TEX29: variants seen among roughly 807,000 people sequenced by gnomAD.
The protein encoded by TEX29 is testis-expressed protein 29.
A neutral mutation model predicts 18.2 loss-of-function variants in TEX29; 26 were observed. That is an observed-to-expected ratio of 1.43 (90% CI 1.04 to 1.98). TEX29 has a LOEUF of 1.98. Ranked by LOEUF, TEX29 falls within the 30% of genes most tolerant of loss-of-function variation. TEX29 has a pLI of 0.00. For synonymous variants in TEX29, 83 were observed against 78.5 expected (o/e 1.06, Z -0.31); for missense variants, 177 against 194.2 (o/e 0.91, Z 0.53).
chr13:111,333,336 T>C (rs2093685237), intron 3 of TEX29, among the ~76,000 whole-genome samples: 1 of 152,230 alleles, frequency 6.6e-6, no homozygotes, highest in Non-Finnish European at 1.5e-5. Flanking sequence ...CTCTGGACTT[T>C]CATTATGTGT....
intron 3 of TEX29, among the ~76,000 whole-genome samples, chr13:111,337,738 G>T (rs2093691478): frequency 6.6e-6 from 1 of 152,092 alleles, no homozygotes; most frequent in African/African-American, 2.4e-5. Flanking sequence ...CTCACTTAAA[G>T]AAATAAGGCA....
Position 111,320,709 on chromosome 13 carries a change from T to G in TEX29, c.-88T>G. ...CCTAAAAGGTGTTTTCCACGTGGAG[T>G]GGGACTGAGAGGCACAGGTGGCTGA... On this transcript the variant is annotated 5_prime_UTR_variant, in exon 1 of 6. Transcript: ENST00000283547. 2.9e-6 allele frequency: 2 copies of G among 699,954 alleles called. No homozygotes were observed. The highest frequency in any genetic ancestry group is 2.6e-6 in the Non-Finnish European group (1 of 387,492). 43.4% of individuals were successfully genotyped at this position (699,954 alleles called of 1,614,324 possible). A position where few individuals can be genotyped will look rare whatever the true frequency, so the allele number is the denominator to read the frequency against.
chr13:111,316,429 AAGG>A (rs1483289985), upstream of TEX29, among the ~76,000 whole-genome samples: 1 of 152,212 alleles, frequency 6.6e-6, no homozygotes, highest in African/African-American at 2.4e-5. Flanking sequence ...TGCTTCCTGG[AAGG>A]AGTTCTGTGC....
intron 5 of TEX29, among the ~76,000 whole-genome samples, chr13:111,343,615 T>C (rs1009979500): frequency 3.9e-5 from 6 of 152,150 alleles, no homozygotes; most frequent in African/African-American, 9.7e-5. Context: ...CCTTGCCAGG[T>C]TAGAGAAAGA....
chr13:111,335,107 T>G (rs2093687792), intron 3 of TEX29, among the ~76,000 whole-genome samples: 1 of 152,212 alleles, frequency 6.6e-6, no homozygotes, highest in African/African-American at 2.4e-5. Context: ...TTTTTGCCAG[T>G]GTTCTCATTG....
At position 111,339,873 on chromosome 13, in the gene TEX29, C is replaced by T. The variant is rs373934464; in HGVS notation, c.180C>T (p.His60=). 1.4e-5 allele frequency: 22 copies of T among 1,613,046 alleles called. No individual in the cohort carries two copies. The African/African-American group carries it at 1.7e-4, about 13-fold the overall frequency. The stretch of plus-strand genomic sequence containing the variant: ...CCCACCATTTTTCAGTTTACATCCA[C>T]GTGTTCTCTGCCTTGATTGTGATCA... The part of the protein sequence containing the change: ...CYKKAVPIYI[H]VFSALIVIIA... Residue 60 remains histidine (H), a synonymous_variant, in exon 4 of 6, where the codon CAC becomes CAT. Transcript: ENST00000283547.
At position 111,320,715 on chromosome 13, in the gene TEX29, TGA is replaced by T. The variant is rs776496654; in HGVS notation, c.-78_-77del. On this transcript the variant is annotated 5_prime_UTR_variant, in exon 1 of 6. Transcript: ENST00000283547. ...AGGTGTTTTCCACGTGGAGTGGGAC[TGA>T]GAGGCACAGGTGGCTGAGGGGACCC... 14 of 729,222 alleles carry T rather than the reference TGA, an allele frequency of 1.9e-5. No homozygotes were observed. The highest frequency in any genetic ancestry group is 6.2e-5 in the Admixed American group (3 of 48,024). The allele number at this position is 729,222 out of a possible 1,614,324, so 45.2% of individuals were successfully genotyped here.
intron 3 of TEX29, among the ~76,000 whole-genome samples, chr13:111,332,667 T>C (rs1044866570): frequency 1.3e-5 from 2 of 152,204 alleles, no homozygotes; most frequent in Admixed American, 6.5e-5. Context: ...TGGGTTTTAC[T>C]AGATGCCATG....
intron 3 of TEX29, among the ~76,000 whole-genome samples, chr13:111,332,097 A>G (rs1337845676): frequency 6.6e-6 from 1 of 152,146 alleles, no homozygotes; most frequent in Non-Finnish European, 1.5e-5. Context: ...TCCTTTGGCA[A>G]TTTGATTGGG....
At chr13:111,329,100 C>T (rs1291630566) in intron 3 of TEX29, among the ~76,000 whole-genome samples, 1 of 152,208 alleles carries the variant, frequency 6.6e-6, no homozygotes, top group Non-Finnish European at 1.5e-5. Context: ...CATCAAGGTC[C>T]ACGTGAAGCT....
rs905506583 is a variant in TEX29, at chr13:111,330,352, A to G, written c.169+2059A>G. Among the ~76,000 whole-genome samples the G allele has an allele frequency of 8.5e-5, 13 of 152,304 alleles. No homozygotes were observed. In the South Asian group the frequency reaches 2.3e-3, roughly 27 times the overall value. On this transcript the variant is annotated intron_variant, in intron 3 of 5. Transcript: ENST00000283547. ...GGATTTGGCACCTCATCAAAAGAAG[A>G]TGAATTTTCGCTCCTCAGAGACAAA...
intron 2 of TEX29, 115 bp downstream of exon 2, chr13:111,321,063 G>A: frequency 8.4e-7 from 1 of 1,193,692 alleles, no homozygotes. Flanking sequence ...CCCAGACCTG[G>A]CTAGGAGGGC....
intron 2 of TEX29, 41 bp downstream of exon 2, chr13:111,320,989 A>AG: frequency 3.9e-6 from 1 of 258,900 alleles, no homozygotes; most frequent in Non-Finnish European, 6.8e-6. Flanking sequence ...GGGGTGGGGG[A>AG]GCAGTTGGGG....
chr13:111,329,019 A>T lies in TEX29; in HGVS notation c.169+726A>T, dbSNP rs550102985. ...TGCGCGTGAAGGGCGTTGGGCTCCC[A>T]CCTCCTCAGCATATTCTCGCCTGTG... On this transcript the variant is annotated intron_variant, in intron 3 of 5. Coordinates refer to ENST00000283547, the MANE Select transcript of TEX29 (RefSeq NM_152324.3). Among the ~76,000 whole-genome samples the T allele has an allele frequency of 5.3e-5, 8 of 152,210 alleles. No homozygotes were observed. In the South Asian group the frequency reaches 8.3e-4, roughly 16 times the overall value.
At chr13:111,323,978 G>A (rs1340674206) in intron 2 of TEX29, among the ~76,000 whole-genome samples, 1 of 152,212 alleles carries the variant, frequency 6.6e-6, no homozygotes, top group East Asian at 1.9e-4. Context: ...CAAGAAAATG[G>A]GTCTCCAGGT....
chr13:111,339,405 G>A, intron 3 of TEX29: 1 of 455,072 alleles, frequency 2.2e-6, no homozygotes. Flanking sequence ...GGGGTCAGGA[G>A]CCAGCACCAT....
At chr13:111,316,980 C>G (rs1222591050), upstream of TEX29, among the ~76,000 whole-genome samples, 3 of 152,150 alleles carry the variant, frequency 2.0e-5, no homozygotes, top group Admixed American at 2.0e-4. Context: ...AACTCACTAT[C>G]ATGAGAACAG....
intron 3 of TEX29, among the ~76,000 whole-genome samples, chr13:111,338,064 C>T (rs1364738460): frequency 3.3e-5 from 5 of 152,166 alleles, no homozygotes; most frequent in African/African-American, 4.8e-5. Context: ...CCAGGGAGTG[C>T]GGATCCCTTC....
upstream of TEX29, among the ~76,000 whole-genome samples, chr13:111,318,814 T>C (rs1595681160): frequency 6.6e-6 from 1 of 152,062 alleles, no homozygotes; most frequent in African/African-American, 2.4e-5. Flanking sequence ...CCTCAGAGGG[T>C]GAAACAGAAT....
Sources: gnomAD v4.1 joint callset for allele counts (sites outside exome capture counted in the v4.1 genomes callset) on GRCh38, gnomAD v4.1.1 for gene constraint, MANE v1.5 for transcripts, NCBI Gene and HGNC (gene_info 2026-07-23, HGNC 2026-07-21) for gene names.